The following FYN variants were observed in gnomAD, a reference collection of about 807,000 sequenced individuals.
The protein encoded by FYN is tyrosine-protein kinase Fyn.
FYN carries 10 observed loss-of-function variants against 70.2 expected under a neutral mutation model. The observed-to-expected ratio is 0.14, with a 90% CI of 0.09 to 0.24. The LOEUF (loss-of-function observed/expected upper bound fraction) is 0.24, where lower values mean the gene tolerates loss of function less well. FYN is among the 10% of genes least tolerant of loss of function. The probability of loss-of-function intolerance (pLI) is 1.00; values close to 1 mark genes in which losing one functional copy is unlikely to be tolerated. For missense variants in FYN, 319 were observed against 673.1 expected (o/e 0.47, Z 5.82); for synonymous variants, 236 against 248.6 (o/e 0.95, Z 0.48).
At chr6:111,746,247 C>T (rs1385279329) in intron 3 of FYN, among the ~76,000 whole-genome samples, 3 of 152,084 alleles carry the variant, frequency 2.0e-5, no homozygotes, top group Non-Finnish European at 4.4e-5. Context: ...TTCTGACAAA[C>T]GTATATACCT....
chr6:111,828,116 T>C (rs898052172), intron 2 of FYN, among the ~76,000 whole-genome samples: 1 of 152,178 alleles, frequency 6.6e-6, no homozygotes, highest in Non-Finnish European at 1.5e-5. Flanking sequence ...CTCCTGGGAC[T>C]GCACTGCTGA....
At chr6:111,795,360 G>C (rs1314022463) in intron 2 of FYN, among the ~76,000 whole-genome samples, 1 of 152,210 alleles carries the variant, frequency 6.6e-6, no homozygotes, top group Non-Finnish European at 1.5e-5. Context: ...AAGCCAAAGA[G>C]AGAGGCCTCA....
At chr6:111,726,411 C>T (rs1801195290) in intron 3 of FYN, among the ~76,000 whole-genome samples, 1 of 152,082 alleles carries the variant, frequency 6.6e-6, no homozygotes, top group Non-Finnish European at 1.5e-5. Context: ...AAATGCTGTC[C>T]CATTAAAATC....
intron 12 of FYN, among the ~76,000 whole-genome samples, chr6:111,675,277 C>T (rs1207780016): frequency 6.6e-6 from 1 of 152,208 alleles, no homozygotes; most frequent in Non-Finnish European, 1.5e-5. Context: ...TACCACCCAG[C>T]AAGAGTACTA....
chr6:111,672,671 T>C (rs1189099055), intron 13 of FYN, among the ~76,000 whole-genome samples: 5 of 152,216 alleles, frequency 3.3e-5, no homozygotes, highest in African/African-American at 4.8e-5. Context: ...CTAAATTTAT[T>C]TACTTGCCCA....
chr6:111,837,823 G>A (rs1773235719), intron 2 of FYN, among the ~76,000 whole-genome samples: 1 of 152,172 alleles, frequency 6.6e-6, no homozygotes, highest in Non-Finnish European at 1.5e-5. Flanking sequence ...GCTGCCTCAT[G>A]TTCCACCCTG....
At chr6:111,716,334 T>C (rs190617928) in intron 4 of FYN, among the ~76,000 whole-genome samples, 1 of 152,358 alleles carries the variant, frequency 6.6e-6, no homozygotes, top group East Asian at 1.9e-4. Context: ...TCCTGGCTGC[T>C]CTGAGAAGTG....
At chr6:111,708,128 G>A (rs1022646) in intron 5 of FYN, 108 bp from the exon 6 acceptor site, 110,403 of 785,150 alleles carry the variant, frequency 0.14, 9,802 homozygotes, top group South Asian at 0.34. Context: ...CCTGCCACCC[G>A]ATTTCTCCAA....
chr6:111,682,462 C>T (rs1158945443), intron 12 of FYN, among the ~76,000 whole-genome samples: 1 of 152,236 alleles, frequency 6.6e-6, no homozygotes, highest in Non-Finnish European at 1.5e-5. Flanking sequence ...AAATAGCTTA[C>T]TTGACTCAGT....
At chr6:111,862,982 T>C (rs1038354405) in intron 1 of FYN, among the ~76,000 whole-genome samples, 6 of 152,232 alleles carry the variant, frequency 3.9e-5, no homozygotes, top group African/African-American at 1.4e-4. Flanking sequence ...CATTAGCATC[T>C]GCTAAATGAG....
chr6:111,823,859 GT>G (rs1172907771), intron 2 of FYN, among the ~76,000 whole-genome samples: 30 of 152,144 alleles, frequency 2.0e-4, no homozygotes, highest in Non-Finnish European at 2.5e-4. Flanking sequence ...TTGACTTTCA[GT>G]TTATCAAATT....
chr6:111,721,420 T>C (rs1403411992), intron 3 of FYN, among the ~76,000 whole-genome samples: 1 of 152,190 alleles, frequency 6.6e-6, no homozygotes, highest in African/African-American at 2.4e-5. Context: ...ACCCTCTCTG[T>C]ATTAAAGCCG....
intron 3 of FYN, among the ~76,000 whole-genome samples, chr6:111,738,957 A>G (rs2042169558): frequency 6.6e-6 from 1 of 151,958 alleles, no homozygotes; most frequent in African/African-American, 2.4e-5. Context: ...CTCCCTAATG[A>G]AAGTTGTATA....
At chr6:111,860,129 T>G (rs1773923521) in intron 1 of FYN, among the ~76,000 whole-genome samples, 2 of 152,152 alleles carry the variant, frequency 1.3e-5, no homozygotes, top group Non-Finnish European at 2.9e-5. Flanking sequence ...TTTCTGATTT[T>G]GGGCCTCCAG....
intron 12 of FYN, among the ~76,000 whole-genome samples, chr6:111,688,870 G>A (rs905327142): frequency 8.8e-5 from 13 of 148,458 alleles, no homozygotes; most frequent in Middle Eastern, 3.5e-3. Flanking sequence ...CCGGGGTGAG[G>A]GGGCCCTTGG....
At chr6:111,725,997 G>T (rs1307982301) in intron 3 of FYN, among the ~76,000 whole-genome samples, 1 of 152,162 alleles carries the variant, frequency 6.6e-6, no homozygotes, top group Admixed American at 6.5e-5. Context: ...CCTTCATTGT[G>T]GGGGAGATTC....
intron 2 of FYN, among the ~76,000 whole-genome samples, chr6:111,815,669 C>T (rs1437689824): frequency 6.6e-6 from 1 of 150,916 alleles, no homozygotes; most frequent in Non-Finnish European, 1.5e-5. Context: ...CTTTGAGTAG[C>T]GGAACTTCAG....
At chr6:111,778,630 G>A (rs749586774) in intron 3 of FYN, among the ~76,000 whole-genome samples, 3 of 150,538 alleles carry the variant, frequency 2.0e-5, no homozygotes, top group Non-Finnish European at 3.0e-5. Context: ...GTGAAGTGGC[G>A]TAGTCTTGGC....
intron 9 of FYN, among the ~76,000 whole-genome samples, chr6:111,699,003 A>G (rs1562478140): frequency 6.6e-6 from 1 of 152,200 alleles, no homozygotes; most frequent in Non-Finnish European, 1.5e-5. Context: ...GAATCACTCG[A>G]ACCTGGGAGG....
Sources: gnomAD v4.1 joint callset for allele counts (sites outside exome capture counted in the v4.1 genomes callset) on GRCh38, gnomAD v4.1.1 for gene constraint, MANE v1.5 for transcripts, NCBI Gene and HGNC (gene_info 2026-07-23, HGNC 2026-07-21) for gene names.